CPEB3: variants seen among roughly 807,000 people sequenced by gnomAD.
CPEB3 encodes cytoplasmic polyadenylation element binding protein 3.
CPEB3 carries 20 observed loss-of-function variants against 67.2 expected under a neutral mutation model. That is an observed-to-expected ratio of 0.30 (90% CI 0.21 to 0.43). CPEB3 has a LOEUF of 0.43. Ranked by LOEUF, CPEB3 falls within the 20% of genes least tolerant of loss-of-function variation. The pLI, the probability that CPEB3 is intolerant of heterozygous loss-of-function variation, is 1.00. For missense variants in CPEB3, 746 were observed against 968.6 expected, an observed-to-expected ratio of 0.77 and a Z score of 3.05; for synonymous variants, 376 against 393.1, an observed-to-expected ratio of 0.96 and a Z score of 0.51.
At chr10:92,107,340 T>C (rs1323316053) in intron 7 of CPEB3, among the ~76,000 whole-genome samples, 7 of 152,342 alleles carry the variant, frequency 4.6e-5, no homozygotes, top group Admixed American at 4.6e-4. Flanking sequence ...AGAGAAATTG[T>C]AGTCGTGCTA....
intron 1 of CPEB3, among the ~76,000 whole-genome samples, chr10:92,277,594 T>A (rs893977308): frequency 6.6e-6 from 1 of 152,062 alleles, no homozygotes; most frequent in East Asian, 1.9e-4. Context: ...TTTGTTCTTC[T>A]AAGATTCTTT....
chr10:92,107,238 C>T (rs973267713), intron 7 of CPEB3, among the ~76,000 whole-genome samples: 2 of 152,108 alleles, frequency 1.3e-5, no homozygotes, highest in Non-Finnish European at 2.9e-5. Context: ...TGAGCAATAA[C>T]GTAAAGAATG....
At chr10:92,204,198 T>C (rs1226972039) in intron 2 of CPEB3, 2 of 152,302 alleles carry the variant, frequency 1.3e-5, no homozygotes, top group African/African-American at 4.8e-5. Context: ...CAATTGCTGT[T>C]TGACTTGGGT....
chr10:92,116,846 G>A (rs184472812), intron 6 of CPEB3, among the ~76,000 whole-genome samples: 9 of 152,208 alleles, frequency 5.9e-5, no homozygotes, highest in Admixed American at 5.2e-4. Context: ...CTTTCCCACT[G>A]ATGCCAAACA....
At chr10:92,207,308 C>T (rs1011807025) in intron 2 of CPEB3, among the ~76,000 whole-genome samples, 2 of 152,118 alleles carry the variant, frequency 1.3e-5, no homozygotes, top group Non-Finnish European at 2.9e-5. Context: ...TACATACACA[C>T]ACCACATACT....
chr10:92,090,267 G>A (rs976969370), intron 8 of CPEB3, among the ~76,000 whole-genome samples: 2 of 152,182 alleles, frequency 1.3e-5, no homozygotes, highest in Admixed American at 6.5e-5. Flanking sequence ...GTGGCTGGGC[G>A]TGGTGGCTCA....
In CPEB3 at chr10:92,264,901, C is replaced by G. The variant is rs572417664; in HGVS notation, c.-11-24540G>C. Among the ~76,000 whole-genome samples the G allele has an allele frequency of 2.0e-5, 3 of 152,172 alleles. No homozygotes were observed. In the South Asian group the frequency reaches 6.2e-4, roughly 32 times the overall value. On this transcript the variant is annotated intron_variant, in intron 1 of 9. Coordinates refer to ENST00000265997, the MANE Select transcript of CPEB3 (RefSeq NM_014912.5). ...AAAATTTAAGGTCGGGCATGTGGCT[C>G]AATCCTGTAATCCTAGCACTTTGGG...
At chr10:92,214,926 C>T (rs1257068221) in intron 2 of CPEB3, among the ~76,000 whole-genome samples, 1 of 152,070 alleles carries the variant, frequency 6.6e-6, no homozygotes, top group Non-Finnish European at 1.5e-5. Flanking sequence ...TGGCTCACTG[C>T]AGCCTCTGCT....
At chr10:92,176,006 G>A (rs752995917) in intron 4 of CPEB3, among the ~76,000 whole-genome samples, 2 of 152,126 alleles carry the variant, frequency 1.3e-5, no homozygotes, top group Admixed American at 6.5e-5. Flanking sequence ...CAGGAGAATC[G>A]CTTGAGCCCA....
chr10:92,132,671 TA>T (rs1244896517), intron 6 of CPEB3, among the ~76,000 whole-genome samples: 6 of 152,188 alleles, frequency 3.9e-5, no homozygotes, highest in African/African-American at 1.4e-4. Flanking sequence ...GCAGAACTAA[TA>T]GACGTCTACA....
intron 6 of CPEB3, among the ~76,000 whole-genome samples, chr10:92,116,555 TA>T (rs78774347): frequency 1.8e-4 from 27 of 148,220 alleles, no homozygotes; most frequent in East Asian, 1.2e-3. Context: ...TGAAAGGTAT[TA>T]AAAAAAAAAA....
chr10:92,175,267 A>G (rs1012392491), intron 4 of CPEB3, among the ~76,000 whole-genome samples: 25 of 151,372 alleles, frequency 1.7e-4, no homozygotes, highest in South Asian at 2.1e-4. Context: ...TAGCTTTTTA[A>G]CTTAGCATAA....
At chr10:92,103,885 A>T (rs1251248813) in intron 7 of CPEB3, among the ~76,000 whole-genome samples, 1 of 152,202 alleles carries the variant, frequency 6.6e-6, no homozygotes, top group Non-Finnish European at 1.5e-5. Flanking sequence ...TAGGACAAGG[A>T]TGTTGTTACT....
chr10:92,188,778 C>G (rs1003056978), intron 3 of CPEB3, among the ~76,000 whole-genome samples: 5 of 152,034 alleles, frequency 3.3e-5, no homozygotes, highest in African/African-American at 7.2e-5. Flanking sequence ...AATATGCATT[C>G]TGTGATCTGA....
At chr10:92,126,957 A>G (rs540418931) in intron 6 of CPEB3, among the ~76,000 whole-genome samples, 1 of 152,346 alleles carries the variant, frequency 6.6e-6, no homozygotes, top group South Asian at 2.1e-4. Flanking sequence ...CCAGGATACA[A>G]TTCATTCATC....
rs377070575 is a variant in CPEB3 at position 92,287,133 on chromosome 10, C to CTT, written c.-12+3791_-12+3792dup. Among the ~76,000 whole-genome samples the CTT allele has an allele frequency of 3.8e-4, 55 of 144,434 alleles. 1 individual carries two copies. Among genetic ancestry groups the CTT allele is most frequent in the Non-Finnish European group, 4.9e-4 (32 of 65,936 alleles). 94.8% of individuals were successfully genotyped at this position (144,434 alleles called of 152,430 possible). Reference sequence around the variant, plus strand: ...TTGGCTGAATATCATTTATCATAGACTTTTTTTTTTTTTTGAGACGGAGTC... The same window carrying CTT: ...TTGGCTGAATATCATTTATCATAGACTTTTTTTTTTTTTTTTGAGACGGAGTC... On this transcript the variant is annotated intron_variant, in intron 1 of 9. Transcript: ENST00000265997.
At position 92,081,440 on chromosome 10, in the gene CPEB3, C is replaced by T. The variant is rs775293564; in HGVS notation, c.1749G>A (p.Thr583=). 24 of 1,613,804 alleles carry T rather than the reference C, an allele frequency of 1.5e-5. No individual in the cohort carries two copies. The Admixed American group carries it at 1.5e-4, about 10-fold the overall frequency. The change falls in exon 9 of 10, where the codon ACG becomes ACA. Residue 583 remains threonine, a synonymous_variant. Transcript: ENST00000265997. ...CTTTGGGGTACTTCAGCTCTGGGTC[C>T]GTATCAATGCCAGCATAGCAGACAC... ...YGGVCYAGID[T]DPELKYPKGA... is the part of the protein sequence containing the mutation.
At chr10:92,163,078 A>G (rs1847570388) in intron 4 of CPEB3, among the ~76,000 whole-genome samples, 1 of 152,168 alleles carries the variant, frequency 6.6e-6, no homozygotes, top group Non-Finnish European at 1.5e-5. Flanking sequence ...ATGGGTTTTG[A>G]TGAATGTGTA....
At chr10:92,181,074 C>A in intron 3 of CPEB3, 55 bp from the exon 4 acceptor site, 1 of 923,780 alleles carries the variant, frequency 1.1e-6, no homozygotes. Context: ...TCATTTCAAA[C>A]ACATCTTAAA....
Sources: gnomAD v4.1 joint callset for allele counts (sites outside exome capture counted in the v4.1 genomes callset) on GRCh38, gnomAD v4.1.1 for gene constraint, MANE v1.5 for transcripts, NCBI Gene and HGNC (gene_info 2026-07-23, HGNC 2026-07-21) for gene names.